Variants in SGTB observed in about 807,000 individuals in gnomAD.
SGTB encodes the protein small glutamine rich tetratricopeptide repeat co-chaperone beta, also known as small glutamine-rich tetratricopeptide repeat-containing protein beta.
A neutral mutation model predicts 43.9 loss-of-function variants in SGTB; 19 were observed. The observed-to-expected ratio is 0.43, with a 90% CI of 0.30 to 0.63. SGTB has a LOEUF of 0.63. Among genes scored for constraint, SGTB ranks in the 30% least tolerant of loss-of-function variants. The pLI, the probability that SGTB is intolerant of heterozygous loss-of-function variation, is 0.12. For synonymous variants in SGTB, 116 were observed against 117.3 expected (o/e 0.99, Z 0.07); for missense variants, 304 against 358.9 (o/e 0.85, Z 1.24).
chr5:65,677,144 C>T (rs1327639828), intron 8 of SGTB, among the ~76,000 whole-genome samples: 2 of 151,784 alleles, frequency 1.3e-5, no homozygotes, highest in East Asian at 1.9e-4. Flanking sequence ...TTACCACTGA[C>T]CCCACAGAAA....
At chr5:65,684,219 G>A (rs190864186) in intron 6 of SGTB, among the ~76,000 whole-genome samples, 50 of 151,928 alleles carry the variant, frequency 3.3e-4, no homozygotes, top group Admixed American at 9.2e-4. Context: ...CAAGTAGCTG[G>A]GACTACAGGT....
chr5:65,708,293 C>T (rs544780233), intron 4 of SGTB, among the ~76,000 whole-genome samples, 196 bp downstream of exon 4: 14 of 152,276 alleles, frequency 9.2e-5, no homozygotes, highest in Admixed American at 7.8e-4. Flanking sequence ...TGAAGCAAGC[C>T]GTAACTGTAC....
At chr5:65,681,062 T>A (rs1757387140) in intron 6 of SGTB, among the ~76,000 whole-genome samples, 1 of 152,194 alleles carries the variant, frequency 6.6e-6, no homozygotes, top group Non-Finnish European at 1.5e-5. Context: ...TACTCTACCA[T>A]TTTTAAGCTT....
chr5:65,668,815 C>T lies in SGTB; in HGVS notation c.*1431G>A, dbSNP rs1023268575. The T allele has an allele frequency of 6.6e-6, 1 of 151,384 alleles. No individual in the cohort carries two copies. The highest frequency in any genetic ancestry group is 2.4e-5 in the African/African-American group (1 of 41,178). The allele number at this position is 151,384 out of a possible 1,614,324, so 9.4% of individuals were successfully genotyped here. A position where few individuals can be genotyped will look rare whatever the true frequency, so the allele number is the denominator to read the frequency against. ...CCCAGCTACTTGGGAGCTTAAGGCTCGAGAATCACTTGAATCCAGGAGGTG... is the reference window on the plus strand; with the variant it reads ...CCCAGCTACTTGGGAGCTTAAGGCTTGAGAATCACTTGAATCCAGGAGGTG... On this transcript the variant is annotated 3_prime_UTR_variant, in exon 11 of 11. Coordinates refer to ENST00000381007, the MANE Select transcript of SGTB (RefSeq NM_019072.3).
chr5:65,670,269 T>C lies in SGTB; in HGVS notation c.892A>G (p.Ser298Gly), dbSNP rs1228119413. The C allele has an allele frequency of 6.2e-7, 1 of 1,614,180 alleles. No individual in the cohort carries two copies. The highest frequency in any genetic ancestry group is 1.1e-5 in the South Asian group (1 of 91,084). ...AATCAGGAATGCTCTTCAGCGCTGCTGCTGAATGATCTGCTCCGGATGTGA... is the reference window on the plus strand; with the variant it reads ...AATCAGGAATGCTCTTCAGCGCTGCCGCTGAATGATCTGCTCCGGATGTGA... ...RNHIRSRSFS[S>G]SAEEHS The change falls in exon 11 of 11, where the codon AGC becomes GGC. Residue 298 changes from serine to glycine, a missense_variant. Transcript: ENST00000381007.
rs1054249357 is a variant in SGTB, at chr5:65,666,568, A to G, written c.*3678T>C. The G allele has an allele frequency of 3.3e-5, 5 of 152,318 alleles. No homozygotes were observed. Among genetic ancestry groups the G allele is most frequent in the South Asian group, 2.1e-4 (1 of 4,824 alleles). The allele number at this position is 152,318 out of a possible 1,614,324, so 9.4% of individuals were successfully genotyped here. ...AGCAACTATATTTCCCAGACAAGCA[A>G]GAAAATATATGGGGCATTTTTTATA... On this transcript the variant is annotated 3_prime_UTR_variant, in exon 11 of 11. Transcript: ENST00000381007.
At chr5:65,689,055 C>T (rs1757552687) in intron 5 of SGTB, among the ~76,000 whole-genome samples, 1 of 152,212 alleles carries the variant, frequency 6.6e-6, no homozygotes, top group African/African-American at 2.4e-5. Flanking sequence ...CGTGATCTGT[C>T]TGCCTCAGCC....
intron 6 of SGTB, among the ~76,000 whole-genome samples, chr5:65,683,338 T>A (rs1757435433): frequency 6.6e-6 from 1 of 152,192 alleles, no homozygotes; most frequent in South Asian, 2.1e-4. Context: ...TTTCACTAAT[T>A]GTGCATGTAC....
intron 3 of SGTB, among the ~76,000 whole-genome samples, chr5:65,710,024 A>G (rs1002736493): frequency 1.6e-4 from 25 of 152,356 alleles, no homozygotes; most frequent in Middle Eastern, 3.4e-3. Flanking sequence ...AAAAAAAATT[A>G]CTGACAAAGT....
chr5:65,683,820 C>T (rs946054920), intron 6 of SGTB, among the ~76,000 whole-genome samples: 4 of 151,862 alleles, frequency 2.6e-5, no homozygotes, highest in Non-Finnish European at 4.4e-5. Context: ...GTGGCGGGTG[C>T]CTGTAGTCCC....
At chr5:65,671,602 G>A (rs149051430) in intron 10 of SGTB, among the ~76,000 whole-genome samples, 3,091 of 141,478 alleles carry the variant, frequency 0.022, 45 homozygotes, top group Admixed American at 0.033. Context: ...GATTCTGCTG[G>A]TACTTGAAAG....
At chr5:65,695,101 G>T (rs563471289) in intron 5 of SGTB, among the ~76,000 whole-genome samples, 2 of 152,224 alleles carry the variant, frequency 1.3e-5, no homozygotes, top group East Asian at 3.9e-4. Flanking sequence ...GACAGGAGTG[G>T]GGAGTGCAAG....
intron 2 of SGTB, 52 bp from the exon 3 acceptor site, chr5:65,713,116 CA>C: frequency 7.3e-7 from 1 of 1,375,220 alleles, no homozygotes; most frequent in Non-Finnish European, 9.8e-7. Context: ...AAAAAAGAAA[CA>C]AGTTTTTTTT....
At chr5:65,718,404 C>G (rs1166793122) in intron 2 of SGTB, among the ~76,000 whole-genome samples, 1 of 152,078 alleles carries the variant, frequency 6.6e-6, no homozygotes, top group African/African-American at 2.4e-5. Flanking sequence ...TGGATGAGGT[C>G]AATAACTGAG....
chr5:65,668,064 T>C lies in SGTB; in HGVS notation c.*2182A>G, dbSNP rs1285236587. On this transcript the variant is annotated 3_prime_UTR_variant, in exon 11 of 11. Coordinates refer to ENST00000381007, the MANE Select transcript of SGTB (RefSeq NM_019072.3). The stretch of plus-strand genomic sequence containing the variant: ...GCCTCTCAGGTTCGAGCAATTCTCA[T>C]GCTTCAGCCTCCCAAGTAGCTGGGA... The C allele has an allele frequency of 6.6e-6, 1 of 151,464 alleles. No homozygotes were observed. The highest frequency in any genetic ancestry group is 2.4e-5 in the African/African-American group (1 of 41,192). The allele number at this position is 151,464 out of a possible 1,614,324, so 9.4% of individuals were successfully genotyped here. A position where few individuals can be genotyped will look rare whatever the true frequency, so the allele number is the denominator to read the frequency against.
chr5:65,706,787 GCAC>G (rs1757941396), intron 4 of SGTB, among the ~76,000 whole-genome samples: 1 of 151,584 alleles, frequency 6.6e-6, no homozygotes, highest in African/African-American at 2.4e-5. Flanking sequence ...AGCCAAGATT[GCAC>G]CACTGCACTC....
chr5:65,700,521 A>G (rs1356102522), intron 5 of SGTB, among the ~76,000 whole-genome samples: 1 of 150,998 alleles, frequency 6.6e-6, no homozygotes. Flanking sequence ...ACTAAAAAAA[A>G]TACAAAAAAA....
At chr5:65,691,132 A>T (rs1169210297) in intron 5 of SGTB, among the ~76,000 whole-genome samples, 1 of 152,200 alleles carries the variant, frequency 6.6e-6, no homozygotes, top group Non-Finnish European at 1.5e-5. Flanking sequence ...ATGGGGGAAG[A>T]TAAGGGAGGA....
At chr5:65,722,336 G>T (rs1450062044), upstream of SGTB, 1 of 1,526,294 alleles carries the variant, frequency 6.6e-7, no homozygotes, top group Non-Finnish European at 8.8e-7. Flanking sequence ...CACGCCGAAG[G>T]ACCACGCGCC....
Sources: allele counts gnomAD v4.1 joint callset (sites outside exome capture counted in the v4.1 genomes callset), GRCh38; gene constraint gnomAD v4.1.1; transcripts MANE v1.5; gene names NCBI Gene and HGNC (gene_info 2026-07-23, HGNC 2026-07-21).